Variants in PPP1R3G observed in about 807,000 individuals in gnomAD.
PPP1R3G encodes protein phosphatase 1, regulatory (inhibitor) subunit 3G.
A neutral mutation model predicts 2.0 loss-of-function variants in PPP1R3G; 3 were observed. The ratio of observed to expected loss-of-function variants is 1.47; its 90% confidence interval spans 0.67 to 3.81. The LOEUF is 3.81. PPP1R3G is among the 30% of genes most tolerant of loss of function. The pLI, the probability that PPP1R3G is intolerant of heterozygous loss-of-function variation, is 0.02. For missense variants in PPP1R3G, 595 were observed against 517.0 expected (o/e 1.15, Z -1.46); for synonymous variants, 267 against 250.9 (o/e 1.06, Z -0.61).
rs1444957219 is a variant in PPP1R3G, at chr6:5,088,459, T to C, written c.*1897T>C. 6.6e-6 allele frequency: 1 copy of C among 152,226 alleles called. No individual in the cohort carries two copies. The highest frequency in any genetic ancestry group is 1.5e-5 in the Non-Finnish European group (1 of 68,042). 9.4% of individuals were successfully genotyped at this position (152,226 alleles called of 1,614,324 possible). A position where few individuals can be genotyped will look rare whatever the true frequency, so the allele number is the denominator to read the frequency against. On this transcript the variant is annotated 3_prime_UTR_variant, in exon 1 of 1. Coordinates refer to ENST00000405617, the MANE Select transcript of PPP1R3G (RefSeq NM_001145115.3). ...ACTATTTGGTGGCACGTGAGAATTA[T>C]ATAAAATATATATTTCAGTGTTCAC...
Position 5,086,162 on chromosome 6 carries a change from C to T in PPP1R3G, c.677C>T (p.Ser226Leu), listed in dbSNP as rs905928990. The T allele has an allele frequency of 2.6e-6, 4 of 1,528,028 alleles. No individual in the cohort carries two copies. The highest frequency in any genetic ancestry group is 3.5e-6 in the Non-Finnish European group (4 of 1,142,964). 94.7% of individuals were successfully genotyped at this position (1,528,028 alleles called of 1,614,324 possible). The change falls in exon 1 of 1, where the codon TCG (serine) becomes TTG (leucine). Residue 226 changes from serine to leucine, a missense_variant. Ser to Leu is a moderately radical substitution (Grantham distance 145). Coordinates refer to ENST00000405617, the MANE Select transcript of PPP1R3G (RefSeq NM_001145115.3). Reference protein sequence around the residue: ...QRVCLERVQCSTASGAEVKGS... With the variant: ...QRVCLERVQCLTASGAEVKGS... The stretch of plus-strand genomic sequence containing the variant: ...GTGTGCCTGGAGCGCGTGCAGTGCT[C>T]GACGGCCTCGGGCGCTGAGGTGAAG...
rs1762006641 is a variant in PPP1R3G, at chr6:5,086,147, A to T, written c.662A>T (p.Glu221Val). 1 of 1,509,618 alleles carries T rather than the reference A, an allele frequency of 6.6e-7. No individual in the cohort carries two copies. The highest frequency in any genetic ancestry group is 1.4e-5 in the African/African-American group (1 of 70,396). The allele number at this position is 1,509,618 out of a possible 1,614,324, so 93.5% of individuals were successfully genotyped here. Residue 221 changes from glutamate to valine, a missense_variant, in exon 1 of 1, where the codon GAG becomes GTG. By Grantham distance (121) the Glu-to-Val change is moderately radical (BLOSUM62 -2). Coordinates refer to ENST00000405617, the MANE Select transcript of PPP1R3G (RefSeq NM_001145115.3). ...CTGCAGCGGCAGCGCGTGTGCCTGGAGCGCGTGCAGTGCTCGACGGCCTCG... is the reference window on the plus strand; with the variant it reads ...CTGCAGCGGCAGCGCGTGTGCCTGGTGCGCGTGCAGTGCTCGACGGCCTCG... The part of the protein sequence containing the change: ...ERLQRQRVCL[E>V]RVQCSTASGA...
In PPP1R3G at chr6:5,087,526, G is replaced by A. The variant is rs1374352295; in HGVS notation, c.*964G>A. 1 of 152,280 alleles carries A rather than the reference G, an allele frequency of 6.6e-6. No homozygotes were observed. 9.4% of individuals were successfully genotyped at this position (152,280 alleles called of 1,614,324 possible). A position where few individuals can be genotyped will look rare whatever the true frequency, so the allele number is the denominator to read the frequency against. On this transcript the variant is annotated 3_prime_UTR_variant, in exon 1 of 1. Coordinates refer to ENST00000405617, the MANE Select transcript of PPP1R3G (RefSeq NM_001145115.3). ...GGGCACGCACGCCCCGGCGCCCTTT[G>A]TGTAGGCAGAGCACACTGTTAGGAG...
Position 5,086,529 on chromosome 6 carries a change from G to A in PPP1R3G, c.1044G>A (p.Thr348=), listed in dbSNP as rs1290008112. 1 of 1,531,470 alleles carries A rather than the reference G, an allele frequency of 6.5e-7. No individual in the cohort carries two copies. Among genetic ancestry groups the A allele is most frequent in the African/African-American group, 1.4e-5 (1 of 72,764 alleles). The allele number at this position is 1,531,470 out of a possible 1,614,324, so 94.9% of individuals were successfully genotyped here. Residue 348 remains threonine, a synonymous_variant, in exon 1 of 1, where the codon ACG becomes ACA. Coordinates refer to ENST00000405617, the MANE Select transcript of PPP1R3G (RefSeq NM_001145115.3). ...ACAACAACGCGGGCGCCAACTACAC[G>A]CTGCGCTACGCGCGCCCTGCGGACG... ...YWDNNAGANY[T]LRYARPADAL is the part of the protein sequence containing the mutation.
In PPP1R3G at chr6:5,085,850, G is replaced by A. The variant is rs1161027763; in HGVS notation, c.365G>A (p.Gly122Asp). ...GCGGAGGACGCACAGCTCGGCCCGG[G>A]CGGCTGCTGCGCCAAGTGCAAGAAG... ...EGAEDAQLGP[G>D]GCCAKCKKRV... The change falls in exon 1 of 1, where the codon GGC (glycine) becomes GAC (aspartate). Residue 122 changes from glycine to aspartate, a missense_variant. Coordinates refer to ENST00000405617, the MANE Select transcript of PPP1R3G (RefSeq NM_001145115.3). 2.0e-6 allele frequency: 3 copies of A among 1,529,570 alleles called. No homozygotes were observed. Among genetic ancestry groups the A allele is most frequent in the African/African-American group, 2.8e-5 (2 of 72,222 alleles). 94.7% of individuals were successfully genotyped at this position (1,529,570 alleles called of 1,614,324 possible). A position where few individuals can be genotyped will look rare whatever the true frequency, so the allele number is the denominator to read the frequency against.
In PPP1R3G at chr6:5,085,731, G is replaced by A. The variant is rs1363609509; in HGVS notation, c.246G>A (p.Ala82=). 35 of 1,544,256 alleles carry A rather than the reference G, an allele frequency of 2.3e-5. No individual in the cohort carries two copies. The highest frequency in any genetic ancestry group is 2.5e-5 in the Non-Finnish European group (29 of 1,145,316). ...ELLECRRRCR[A]RSFSLPADPI... ...TGGAATGCCGCCGCCGCTGCCGCGCGCGCTCCTTTTCCTTGCCCGCCGACC... is the reference window on the plus strand; with the variant it reads ...TGGAATGCCGCCGCCGCTGCCGCGCACGCTCCTTTTCCTTGCCCGCCGACC... Residue 82 remains alanine, a synonymous_variant, in exon 1 of 1, where the codon GCG becomes GCA. Transcript: ENST00000405617.
At position 5,085,544 on chromosome 6, in the gene PPP1R3G, A is replaced by T; in HGVS notation, c.59A>T (p.Glu20Val). 1.9e-6 allele frequency: 3 copies of T among 1,540,340 alleles called. No individual in the cohort carries two copies. Among genetic ancestry groups the T allele is most frequent in the Non-Finnish European group, 1.7e-6 (2 of 1,145,904 alleles). Residue 20 changes from glutamate (E) to valine (V), a missense_variant, in exon 1 of 1, where the codon GAG becomes GTG. By Grantham distance (121) the Glu-to-Val change is moderately radical. Transcript: ENST00000405617. ...GCGCCGGGACCAGCGCCCTTCCGAG[A>T]GGCCCCGCCGGCCGAGGAGCTGCCC... Reference protein sequence around the residue: ...LEAPGPAPFREAPPAEELPAP... With the variant: ...LEAPGPAPFRVAPPAEELPAP...
rs1395761292 is a variant in PPP1R3G at position 5,087,596 on chromosome 6, C to T, written c.*1034C>T. 6.6e-6 allele frequency: 1 copy of T among 152,344 alleles called. No homozygotes were observed. The highest frequency in any genetic ancestry group is 2.4e-5 in the African/African-American group (1 of 41,466). The allele number at this position is 152,344 out of a possible 1,614,324, so 9.4% of individuals were successfully genotyped here. On this transcript the variant is annotated 3_prime_UTR_variant, in exon 1 of 1. Transcript: ENST00000405617. ...GTCAGAGAAGCTGGGCCCTTTTAGT[C>T]GCTGGACTGCCAGCGCAGGGGATGG...
At position 5,086,273 on chromosome 6, in the gene PPP1R3G, T is replaced by A; in HGVS notation, c.788T>A (p.Val263Glu). Reference protein sequence around the residue: ...TFTEWRSFLDVPAELQPEPLE... With the variant: ...TFTEWRSFLDEPAELQPEPLE... ...ACCGAGTGGCGCTCCTTCCTGGACG[T>A]GCCGGCTGAGCTGCAGCCCGAGCCG... The change falls in exon 1 of 1, where the codon GTG becomes GAG. Residue 263 changes from valine (V) to glutamate (E), a missense_variant. Val to Glu is a moderately radical substitution (Grantham distance 121). Transcript: ENST00000405617. 1 of 1,535,464 alleles carries A rather than the reference T, an allele frequency of 6.5e-7. No homozygotes were observed. The highest frequency in any genetic ancestry group is 8.7e-7 in the Non-Finnish European group (1 of 1,146,686).
Position 5,087,903 on chromosome 6 carries a change from T to C in PPP1R3G, c.*1341T>C, listed in dbSNP as rs1241745982. On this transcript the variant is annotated 3_prime_UTR_variant, in exon 1 of 1. Coordinates refer to ENST00000405617, the MANE Select transcript of PPP1R3G (RefSeq NM_001145115.3). ...TCCCTTTTTTTAAGTCTTCCCATTT[T>C]CCAGCACATGGCGAGTACAGTCAGT... is the stretch of plus-strand genomic sequence containing the variant. The C allele has an allele frequency of 6.6e-6, 1 of 152,222 alleles. No individual in the cohort carries two copies. Among genetic ancestry groups the C allele is most frequent in the Non-Finnish European group, 1.5e-5 (1 of 68,088 alleles). 9.4% of individuals were successfully genotyped at this position (152,222 alleles called of 1,614,324 possible). A position where few individuals can be genotyped will look rare whatever the true frequency, so the allele number is the denominator to read the frequency against.
rs1301172799 is a variant in PPP1R3G at position 5,086,466 on chromosome 6, C to G, written c.981C>G (p.Phe327Leu). ...ACGAGCGCGGCGTCGCGGTCCACTT[C>G]GCTGTCTGCTACCGCTGCGCGCAGG... ...DADERGVAVH[F>L]AVCYRCAQGE... The change falls in exon 1 of 1, where the codon TTC (phenylalanine) becomes TTG (leucine). Residue 327 changes from phenylalanine to leucine, a missense_variant. Coordinates refer to ENST00000405617, the MANE Select transcript of PPP1R3G (RefSeq NM_001145115.3). 2 of 1,537,048 alleles carry G rather than the reference C, an allele frequency of 1.3e-6. No individual in the cohort carries two copies. The highest frequency in any genetic ancestry group is 1.7e-6 in the Non-Finnish European group (2 of 1,146,714).
In PPP1R3G at chr6:5,085,896, G is replaced by A. The variant is rs771926989; in HGVS notation, c.411G>A (p.Thr137=). ...AGAAGCGGGTGCAGTTCGCGGACAC[G>A]CTGGGGCTAAGCCTGGCCAGCGTGA... The part of the protein sequence containing the change: ...KCKKRVQFAD[T]LGLSLASVKH... Residue 137 remains threonine (T), a synonymous_variant, in exon 1 of 1, where the codon ACG becomes ACA. Coordinates refer to ENST00000405617, the MANE Select transcript of PPP1R3G (RefSeq NM_001145115.3). 6.5e-7 allele frequency: 1 copy of A among 1,531,872 alleles called. No homozygotes were observed. Among genetic ancestry groups the A allele is most frequent in the South Asian group, 1.2e-5 (1 of 83,828 alleles). The allele number at this position is 1,531,872 out of a possible 1,614,324, so 94.9% of individuals were successfully genotyped here.
rs1270093741 is a variant in PPP1R3G at position 5,089,198 on chromosome 6, T to A, written c.*2636T>A. The A allele has an allele frequency of 3.3e-5, 5 of 152,112 alleles. No individual in the cohort carries two copies. The highest frequency in any genetic ancestry group is 3.3e-4 in the Admixed American group (5 of 15,272). The allele number at this position is 152,112 out of a possible 1,614,324, so 9.4% of individuals were successfully genotyped here. A position where few individuals can be genotyped will look rare whatever the true frequency, so the allele number is the denominator to read the frequency against. On this transcript the variant is annotated 3_prime_UTR_variant, in exon 1 of 1. Coordinates refer to ENST00000405617, the MANE Select transcript of PPP1R3G (RefSeq NM_001145115.3). ...TGCTTATAAAAACTTTGACGAAAAA[T>A]AAATGATAAAATGAAACAATTTTTC... is the stretch of plus-strand genomic sequence containing the variant.
In PPP1R3G at chr6:5,086,432, A is replaced by G; in HGVS notation, c.947A>G (p.Glu316Gly). 1 of 1,536,572 alleles carries G rather than the reference A, an allele frequency of 6.5e-7. No homozygotes were observed. The highest frequency in any genetic ancestry group is 8.7e-7 in the Non-Finnish European group (1 of 1,146,742). The change falls in exon 1 of 1, where the codon GAG becomes GGG. Residue 316 changes from glutamate to glycine, a missense_variant. Coordinates refer to ENST00000405617, the MANE Select transcript of PPP1R3G (RefSeq NM_001145115.3). ...CCGGGCCTGCAGCCTGAGGACGAAGAGGACGCCGACGAGCGCGGCGTCGCG... is the reference window on the plus strand; with the variant it reads ...CCGGGCCTGCAGCCTGAGGACGAAGGGGACGCCGACGAGCGCGGCGTCGCG... ...LPPGLQPEDEEDADERGVAVH... is the reference protein window; with the variant it reads ...LPPGLQPEDEGDADERGVAVH...
Position 5,086,561 on chromosome 6 carries a change from G to A in PPP1R3G, c.1076G>A (p.Ter359=), listed in dbSNP as rs755816210. 16 of 1,507,714 alleles carry A rather than the reference G, an allele frequency of 1.1e-5. No individual in the cohort carries two copies. The African/African-American group carries it at 1.9e-4, about 18-fold the overall frequency. The allele number at this position is 1,507,714 out of a possible 1,614,324, so 93.4% of individuals were successfully genotyped here. A position where few individuals can be genotyped will look rare whatever the true frequency, so the allele number is the denominator to read the frequency against. The change falls in exon 1 of 1, where the codon TGA becomes TAA. Residue 359 remains the stop codon, a stop_retained_variant. Transcript: ENST00000405617. ...LRYARPADAL[*] is the part of the protein sequence containing the mutation. ...TACGCGCGCCCTGCGGACGCGCTCT[G>A]AGCCTGGAGAGTTTCGAAGAGCCGT...
rs1457011287 is a variant in PPP1R3G, at chr6:5,086,376, C to T, written c.891C>T (p.Ala297=). The T allele has an allele frequency of 6.5e-7, 1 of 1,536,106 alleles. No homozygotes were observed. Among genetic ancestry groups the T allele is most frequent in the Non-Finnish European group, 8.7e-7 (1 of 1,146,736 alleles). The change falls in exon 1 of 1, where the codon GCC becomes GCT. Residue 297 remains alanine, a synonymous_variant. Coordinates refer to ENST00000405617, the MANE Select transcript of PPP1R3G (RefSeq NM_001145115.3). ...GSGDAKKEPG[A]ECFHFSLCLP... ...GGGATGCCAAGAAAGAGCCAGGCGC[C>T]GAGTGCTTCCACTTCTCGCTGTGCC... is the stretch of plus-strand genomic sequence containing the variant.
In PPP1R3G at chr6:5,086,807, T is replaced by G. The variant is rs1762047996; in HGVS notation, c.*245T>G. 2 of 538,888 alleles carry G rather than the reference T, an allele frequency of 3.7e-6. No homozygotes were observed. Among genetic ancestry groups the G allele is most frequent in the South Asian group, 2.7e-5 (1 of 37,698 alleles). 33.4% of individuals were successfully genotyped at this position (538,888 alleles called of 1,614,324 possible). Reference sequence around the variant, plus strand: ...CTCAGTCTTCTCGTCCGTTTGACCTTCCTACAAGGCCTCTAGAATTCCCAG... The same window carrying G: ...CTCAGTCTTCTCGTCCGTTTGACCTGCCTACAAGGCCTCTAGAATTCCCAG... On this transcript the variant is annotated 3_prime_UTR_variant, in exon 1 of 1. Coordinates refer to ENST00000405617, the MANE Select transcript of PPP1R3G (RefSeq NM_001145115.3).
rs1281805789 is a variant in PPP1R3G, at chr6:5,086,495, A to C, written c.1010A>C (p.Glu337Ala). The change falls in exon 1 of 1, where the codon GAG (glutamate) becomes GCG (alanine). Residue 337 changes from glutamate (E) to alanine (A), a missense_variant. By Grantham distance (107) the Glu-to-Ala change is moderately radical (BLOSUM62 -1). Transcript: ENST00000405617. The stretch of plus-strand genomic sequence containing the variant: ...GTCTGCTACCGCTGCGCGCAGGGCG[A>C]GTACTGGGACAACAACGCGGGCGCC... The part of the protein sequence containing the change: ...FAVCYRCAQG[E>A]YWDNNAGANY... 2.6e-6 allele frequency: 4 copies of C among 1,536,996 alleles called. No individual in the cohort carries two copies. Among genetic ancestry groups the C allele is most frequent in the Non-Finnish European group, 3.5e-6 (4 of 1,145,924 alleles).
At position 5,085,913 on chromosome 6, in the gene PPP1R3G, C is replaced by T. The variant is rs1261869622; in HGVS notation, c.428C>T (p.Ala143Val). Residue 143 changes from alanine to valine, a missense_variant, in exon 1 of 1, where the codon GCC becomes GTC. By Grantham distance (64) the Ala-to-Val change is moderately conservative. Transcript: ENST00000405617. ...QFADTLGLSLASVKHFSEAEE... is the reference protein window; with the variant it reads ...QFADTLGLSLVSVKHFSEAEE... ...GCGGACACGCTGGGGCTAAGCCTGG[C>T]CAGCGTGAAGCACTTCAGCGAGGCG... is the stretch of plus-strand genomic sequence containing the variant. 5 of 1,531,026 alleles carry T rather than the reference C, an allele frequency of 3.3e-6. No individual in the cohort carries two copies. The Admixed American group carries it at 5.9e-5, about 18-fold the overall frequency. 94.8% of individuals were successfully genotyped at this position (1,531,026 alleles called of 1,614,324 possible).
Sources: gnomAD v4.1 joint callset for allele counts on GRCh38, gnomAD v4.1.1 for gene constraint, MANE v1.5 for transcripts, NCBI Gene and HGNC (gene_info 2026-07-23, HGNC 2026-07-21) for gene names.